FOXP1: variants seen among roughly 807,000 people sequenced by gnomAD.
FOXP1 encodes forkhead box P1, also known as forkhead box protein P1.
FOXP1 carries 15 observed loss-of-function variants against 98.2 expected under a neutral mutation model. That is an observed-to-expected ratio of 0.15 (90% CI 0.10 to 0.24). The LOEUF (loss-of-function observed/expected upper bound fraction) is 0.24. Among genes scored for constraint, FOXP1 ranks in the 10% least tolerant of loss-of-function variants. FOXP1 has a pLI of 1.00. For synonymous variants in FOXP1, 371 were observed against 314.5 expected (o/e 1.18, Z -1.90); for missense variants, 633 against 848.5 (o/e 0.75, Z 3.15).
At chr3:71,567,709 T>C (rs1053293138) in intron 2 of FOXP1, among the ~76,000 whole-genome samples, 2 of 152,152 alleles carry the variant, frequency 1.3e-5, no homozygotes, top group Non-Finnish European at 2.9e-5. Flanking sequence ...TTGCAATTCC[T>C]GAAAGCAGTG....
At chr3:71,129,623 A>G (rs1374189297) in intron 6 of FOXP1, among the ~76,000 whole-genome samples, 4 of 151,806 alleles carry the variant, frequency 2.6e-5, no homozygotes, top group Admixed American at 2.6e-4. Flanking sequence ...TACCAATTAA[A>G]CTGAAGTTGG....
At position 70,958,356 on chromosome 3, in the gene FOXP1, T is replaced by C. The variant is rs1461018736; in HGVS notation, c.*891A>G. 1 of 533,204 alleles carries C rather than the reference T, an allele frequency of 1.9e-6. No individual in the cohort carries two copies. Among genetic ancestry groups the C allele is most frequent in the East Asian group, 3.9e-5 (1 of 25,542 alleles). The allele number at this position is 533,204 out of a possible 1,614,324, so 33.0% of individuals were successfully genotyped here. On this transcript the variant is annotated 3_prime_UTR_variant, in exon 21 of 21. Transcript: ENST00000649528. ...ATTCTCTTTCTGGCAGGACGTCACGTCTGTGTGAGAGGGCCTTCATGTGTA... is the reference window on the plus strand; with the variant it reads ...ATTCTCTTTCTGGCAGGACGTCACGCCTGTGTGAGAGGGCCTTCATGTGTA...
chr3:71,126,358 A>G (rs1301059291), intron 6 of FOXP1, among the ~76,000 whole-genome samples: 1 of 150,788 alleles, frequency 6.6e-6, no homozygotes, highest in Non-Finnish European at 1.5e-5. Flanking sequence ...GCGTGGTGGC[A>G]GGCGCCTGTA....
intron 4 of FOXP1, among the ~76,000 whole-genome samples, chr3:71,345,601 T>C (rs898081666): frequency 4.6e-5 from 7 of 151,968 alleles, no homozygotes; most frequent in African/African-American, 1.7e-4. Context: ...TACCCTGGTG[T>C]TATGCAAGAT....
chr3:71,194,593 G>A (rs142729039), intron 6 of FOXP1, among the ~76,000 whole-genome samples: 6 of 150,468 alleles, frequency 4.0e-5, no homozygotes, highest in African/African-American at 2.4e-5. Context: ...TTTCTTTAAG[G>A]AAAAAAAAAA....
At chr3:71,106,227 T>G (rs953988778) in intron 7 of FOXP1, among the ~76,000 whole-genome samples, 1 of 152,260 alleles carries the variant, frequency 6.6e-6, no homozygotes, top group Non-Finnish European at 1.5e-5. Context: ...ACACTTTGCA[T>G]GTGGTGGCAA....
At chr3:71,320,464 C>T (rs1019170077) in intron 4 of FOXP1, among the ~76,000 whole-genome samples, 61 of 151,944 alleles carry the variant, frequency 4.0e-4, no homozygotes, top group Non-Finnish European at 1.9e-4. Context: ...TTGCTCTGCC[C>T]TCTTTCACCT....
intron 3 of FOXP1, among the ~76,000 whole-genome samples, chr3:71,444,232 T>C (rs1243800807): frequency 2.0e-5 from 3 of 152,214 alleles, no homozygotes; most frequent in South Asian, 2.1e-4. Context: ...TGAACACATC[T>C]GGAGGGAGCC....
intron 6 of FOXP1, among the ~76,000 whole-genome samples, chr3:71,187,604 A>C (rs2062725925): frequency 1.3e-5 from 2 of 152,184 alleles, no homozygotes; most frequent in Non-Finnish European, 2.9e-5. Context: ...AAAACTACTA[A>C]TGATACAGTA....
intron 5 of FOXP1, among the ~76,000 whole-genome samples, chr3:71,232,653 C>T (rs1026913908): frequency 6.6e-6 from 1 of 151,746 alleles, no homozygotes; most frequent in African/African-American, 2.4e-5. Context: ...AATCCCAACA[C>T]TTTGGGAGGT....
intron 13 of FOXP1, among the ~76,000 whole-genome samples, chr3:70,996,939 T>C (rs949267914): frequency 6.6e-6 from 1 of 152,176 alleles, no homozygotes. Flanking sequence ...CCTTTGGAAA[T>C]TGATGAAAAC....
intron 7 of FOXP1, among the ~76,000 whole-genome samples, chr3:71,086,330 C>T (rs1230405594): frequency 6.6e-6 from 1 of 152,206 alleles, no homozygotes; most frequent in African/African-American, 2.4e-5. Flanking sequence ...ACAGTTCTAG[C>T]TTACTTATCT....
chr3:70,965,847 C>T lies in FOXP1; in HGVS notation c.1889+43G>A, dbSNP rs748267975. On this transcript the variant is annotated intron_variant, in intron 20 of 20. Coordinates refer to ENST00000649528, the MANE Select transcript of FOXP1 (RefSeq NM_001349338.3). ...GTCTCCCTGCGTGTACCTAGGGAGACTAGGGTCAGATAGCAAAGACCTGTT... is the reference window on the plus strand; with the variant it reads ...GTCTCCCTGCGTGTACCTAGGGAGATTAGGGTCAGATAGCAAAGACCTGTT... 2.3e-5 allele frequency: 37 copies of T among 1,597,208 alleles called. No homozygotes were observed. In the Middle Eastern group the frequency reaches 6.1e-3, roughly 264 times the overall value.
intron 5 of FOXP1, among the ~76,000 whole-genome samples, chr3:71,229,791 T>C (rs940003124): frequency 6.6e-6 from 1 of 152,066 alleles, no homozygotes; most frequent in African/African-American, 2.4e-5. Context: ...CTCCGTACCA[T>C]CTCCTTAAGG....
At chr3:71,265,580 CCTAT>C (rs1347416834) in intron 5 of FOXP1, among the ~76,000 whole-genome samples, 2 of 152,318 alleles carry the variant, frequency 1.3e-5, no homozygotes, top group African/African-American at 4.8e-5. Flanking sequence ...TGACAAATAG[CCTAT>C]CTCTCTGTCT....
chr3:71,112,541 G>T lies in FOXP1; in HGVS notation c.277C>A (p.Leu93Ile). ...AAAAGAAAAAGAATTGTTACCTGAA[G>T]AGCTGGTTGTTTGTCATTCCTCTTG... is the stretch of plus-strand genomic sequence containing the variant. ...SPKRNDKQPA[L>I]QVPVSVAMMT... Residue 93 changes from leucine to isoleucine, a missense_variant, in exon 7 of 21, where the codon CTT becomes ATT. Physicochemically the swap from Leu to Ile is conservative, Grantham distance 5 (BLOSUM62 2). Coordinates refer to ENST00000649528, the MANE Select transcript of FOXP1 (RefSeq NM_001349338.3). The T allele has an allele frequency of 1.2e-6, 2 of 1,611,168 alleles. No individual in the cohort carries two copies. The highest frequency in any genetic ancestry group is 1.7e-6 in the Non-Finnish European group (2 of 1,177,266).
chr3:71,238,295 G>GT, intron 5 of FOXP1, among the ~76,000 whole-genome samples: 1 of 152,300 alleles, frequency 6.6e-6, no homozygotes, highest in South Asian at 2.1e-4. Flanking sequence ...TTCCTCATTA[G>GT]TAAGTAGGGA....
At chr3:71,276,834 C>T (rs143943576) in intron 5 of FOXP1, among the ~76,000 whole-genome samples, 2 of 151,976 alleles carry the variant, frequency 1.3e-5, no homozygotes, top group East Asian at 3.9e-4. Context: ...TACAGTGGTA[C>T]AGAACAACAG....
chr3:70,961,570 A>G (rs1207614763), intron 20 of FOXP1, among the ~76,000 whole-genome samples: 1 of 152,090 alleles, frequency 6.6e-6, no homozygotes, highest in Non-Finnish European at 1.5e-5. Flanking sequence ...ACATCAGTGC[A>G]AGGAAGGCTG....
Sources: gnomAD v4.1 joint callset for allele counts (sites outside exome capture counted in the v4.1 genomes callset) on GRCh38, gnomAD v4.1.1 for gene constraint, MANE v1.5 for transcripts, NCBI Gene and HGNC (gene_info 2026-07-23, HGNC 2026-07-21) for gene names.